Variants in RBFOX1 observed in about 807,000 individuals in gnomAD.
RBFOX1 encodes RNA binding protein fox-1 homolog 1.
Under a neutral mutation model 57.7 loss-of-function variants are expected in RBFOX1, and 8 were observed. The observed-to-expected ratio is 0.14, with a 90% CI of 0.08 to 0.25. The LOEUF (loss-of-function observed/expected upper bound fraction) is 0.25, where lower values mean the gene tolerates loss of function less well. RBFOX1 is among the 10% of genes least tolerant of loss of function. RBFOX1 has a pLI of 1.00. For missense variants in RBFOX1, 611 were observed against 548.5 expected (o/e 1.11, Z -1.14); for synonymous variants, 326 against 222.4 (o/e 1.47, Z -4.15).
At chr16:6,515,452 G>A (rs1190651305) in intron 2 of RBFOX1, among the ~76,000 whole-genome samples, 1 of 152,154 alleles carries the variant, frequency 6.6e-6, no homozygotes, top group Non-Finnish European at 1.5e-5. Flanking sequence ...ATTTTTCTTA[G>A]AATCTAAGAC....
chr16:6,209,087 G>A (rs898186059), intron 1 of RBFOX1, among the ~76,000 whole-genome samples: 1 of 152,146 alleles, frequency 6.6e-6, no homozygotes, highest in African/African-American at 2.4e-5. Flanking sequence ...TTGAGAAGAG[G>A]AGAGGACAAC....
At chr16:5,742,457 G>A (rs1458775377) in intron 3 of RBFOX1, among the ~76,000 whole-genome samples, 1 of 152,140 alleles carries the variant, frequency 6.6e-6, no homozygotes, top group Non-Finnish European at 1.5e-5. Flanking sequence ...TAAAAGTGGG[G>A]CTGCTATATT....
At chr16:6,204,575 A>G (rs934478352) in intron 1 of RBFOX1, among the ~76,000 whole-genome samples, 1 of 152,206 alleles carries the variant, frequency 6.6e-6, no homozygotes, top group Non-Finnish European at 1.5e-5. Context: ...CAGGCATAGA[A>G]GTGGGAGCAT....
chr16:6,744,274 C>G (rs530698940), intron 3 of RBFOX1, among the ~76,000 whole-genome samples: 1 of 152,142 alleles, frequency 6.6e-6, no homozygotes, highest in African/African-American at 2.4e-5. Context: ...GTGCTAGTCT[C>G]TCAATAACTG....
At chr16:5,865,167 C>T (rs998154810) in intron 3 of RBFOX1, among the ~76,000 whole-genome samples, 1 of 152,166 alleles carries the variant, frequency 6.6e-6, no homozygotes, top group African/African-American at 2.4e-5. Flanking sequence ...GAGGGTAGTT[C>T]TGCCCAAGGC....
chr16:7,340,744 G>T (rs527534178), intron 4 of RBFOX1, among the ~76,000 whole-genome samples: 2 of 152,166 alleles, frequency 1.3e-5, no homozygotes, highest in African/African-American at 4.8e-5. Context: ...TCATTCCAAA[G>T]CACTCGAAGA....
At chr16:5,815,279 C>G (rs575918322) in intron 3 of RBFOX1, among the ~76,000 whole-genome samples, 1 of 149,976 alleles carries the variant, frequency 6.7e-6, no homozygotes, top group African/African-American at 2.5e-5. Context: ...CAGGTGTGAG[C>G]CATCGTGCCT....
chr16:6,891,125 C>G (rs2065313849), intron 3 of RBFOX1, among the ~76,000 whole-genome samples: 1 of 152,210 alleles, frequency 6.6e-6, no homozygotes, highest in Non-Finnish European at 1.5e-5. Flanking sequence ...TCATTAGTGA[C>G]TTTCAGTTAA....
Position 7,452,779 on chromosome 16 carries a change from A to G in RBFOX1, c.28-65368A>G, listed in dbSNP as rs140832189. Among the ~76,000 whole-genome samples, 36 of 152,286 alleles carry G rather than the reference A, an allele frequency of 2.4e-4. No individual in the cohort carries two copies. In the East Asian group the frequency reaches 6.8e-3, roughly 29 times the overall value. On this transcript the variant is annotated intron_variant, in intron 4 of 15. Transcript: ENST00000550418. The stretch of plus-strand genomic sequence containing the variant: ...TGCCAAGACCATGTAGATTACTTAG[A>G]GTCTGGTGAAAGAAGAAATAACTGA...
intron 1 of RBFOX1, among the ~76,000 whole-genome samples, chr16:5,291,623 T>G (rs1372878353): frequency 6.6e-6 from 1 of 152,210 alleles, no homozygotes; most frequent in African/African-American, 2.4e-5. Context: ...GTGATCTGTT[T>G]GGATGCACCT....
intron 3 of RBFOX1, among the ~76,000 whole-genome samples, chr16:6,932,032 C>T (rs2076645407): frequency 6.6e-6 from 1 of 152,166 alleles, no homozygotes. Flanking sequence ...AGCTAACCTC[C>T]TGCAACAATC....
chr16:5,713,734 A>C (rs74006223), intron 3 of RBFOX1, among the ~76,000 whole-genome samples: 2 of 152,196 alleles, frequency 1.3e-5, no homozygotes, highest in Non-Finnish European at 2.9e-5. Flanking sequence ...CCACAGCATC[A>C]CAGAGAGACT....
intron 3 of RBFOX1, among the ~76,000 whole-genome samples, chr16:5,722,954 A>G (rs938327765): frequency 2.6e-5 from 4 of 152,206 alleles, no homozygotes; most frequent in African/African-American, 9.6e-5. Flanking sequence ...TTCCTTCCTC[A>G]TAAGGGCAGA....
At chr16:7,441,328 G>A (rs1399847245) in intron 4 of RBFOX1, among the ~76,000 whole-genome samples, 2 of 152,172 alleles carry the variant, frequency 1.3e-5, no homozygotes, top group Non-Finnish European at 2.9e-5. Context: ...TTGAGATGGT[G>A]AAATGCCTTG....
chr16:7,617,493 T>A (rs2058645265), intron 10 of RBFOX1, among the ~76,000 whole-genome samples: 1 of 152,222 alleles, frequency 6.6e-6, no homozygotes, highest in Non-Finnish European at 1.5e-5. Flanking sequence ...GCCACCAGTT[T>A]AAGCCCTTGA....
chr16:7,257,831 A>G (rs901247193), intron 4 of RBFOX1, among the ~76,000 whole-genome samples: 3 of 152,186 alleles, frequency 2.0e-5, no homozygotes, highest in African/African-American at 7.2e-5. Context: ...TTAGCTAAGG[A>G]AATTAAATTG....
intron 4 of RBFOX1, among the ~76,000 whole-genome samples, chr16:7,114,783 G>C (rs1186217307): frequency 1.3e-5 from 2 of 152,146 alleles, no homozygotes; most frequent in Non-Finnish European, 2.9e-5. Flanking sequence ...TCTCTGTCTT[G>C]CTAACTCGTT....
At chr16:6,191,146 T>TTTTTTTTTTTTTTTTTTTTC (rs2097139331) in intron 1 of RBFOX1, among the ~76,000 whole-genome samples, 1 of 126,542 alleles carries the variant, frequency 7.9e-6, no homozygotes, top group Non-Finnish European at 1.7e-5. Flanking sequence ...TTTTTTTTTT[T>TTTTTTTTTTTTTTTTTTTTC]CTTCATCTGA....
intron 4 of RBFOX1, among the ~76,000 whole-genome samples, chr16:7,219,396 G>A (rs888139477): frequency 1.3e-5 from 2 of 152,172 alleles, no homozygotes; most frequent in East Asian, 1.9e-4. Context: ...TCTTTGCACC[G>A]TTAAGAGTAA....
Sources: allele counts gnomAD v4.1 joint callset (sites outside exome capture counted in the v4.1 genomes callset), GRCh38; gene constraint gnomAD v4.1.1; transcripts MANE v1.5; gene names NCBI Gene and HGNC (gene_info 2026-07-23, HGNC 2026-07-21).